The following PACS2 variants were observed in gnomAD, a reference collection of about 807,000 sequenced individuals.
PACS2 encodes PACS1-like protein.
In PACS2, 36 loss-of-function variants were observed where a neutral mutation model predicts 113.0. That is an observed-to-expected ratio of 0.32 (90% CI 0.24 to 0.42). The LOEUF (loss-of-function observed/expected upper bound fraction) is 0.42, where lower values mean the gene tolerates loss of function less well. PACS2 is among the 10% of genes least tolerant of loss of function. The probability of loss-of-function intolerance (pLI) is 1.00; values close to 1 mark genes in which losing one functional copy is unlikely to be tolerated. For synonymous variants in PACS2, 589 were observed against 536.1 expected (o/e 1.10, Z -1.36); for missense variants, 1,015 against 1,239.5 (o/e 0.82, Z 2.72).
At chr14:105,362,774 C>G (rs587765098) in intron 4 of PACS2, among the ~76,000 whole-genome samples, 2 of 152,072 alleles carry the variant, frequency 1.3e-5, no homozygotes, top group Admixed American at 6.5e-5. Context: ...TCGCTTGAAC[C>G]TGGGAGGCAG....
chr14:105,367,395 G>A lies in PACS2; in HGVS notation c.586+20G>A, dbSNP rs376516622. ...CCACGGGTGAGTGTGGTGCCAGCCCGCTCCTGCCCCTGCTGTGGGGAGGCC... is the reference window on the plus strand; with the variant it reads ...CCACGGGTGAGTGTGGTGCCAGCCCACTCCTGCCCCTGCTGTGGGGAGGCC... On this transcript the variant is annotated intron_variant, in intron 5 of 24. Coordinates refer to ENST00000447393, the MANE Select transcript of PACS2 (RefSeq NM_001100913.3). 2.7e-5 allele frequency: 44 copies of A among 1,607,458 alleles called. 1 individual carries two copies. Among genetic ancestry groups the A allele is most frequent in the South Asian group, 7.7e-5 (7 of 91,006 alleles).
chr14:105,348,659 C>T lies in PACS2; in HGVS notation c.207+79C>T, dbSNP rs587671723. 4.9e-5 allele frequency: 52 copies of T among 1,068,026 alleles called. No homozygotes were observed. The highest frequency in any genetic ancestry group is 2.8e-4 in the East Asian group (12 of 42,256). 66.2% of individuals were successfully genotyped at this position (1,068,026 alleles called of 1,614,324 possible). A position where few individuals can be genotyped will look rare whatever the true frequency, so the allele number is the denominator to read the frequency against. ...TGCCTGGGAGACGAGTCAGGCGGTG[C>T]GCTACTGTGGGGCCTTGTGCCAAAA... On this transcript the variant is annotated intron_variant, in intron 2 of 24. Transcript: ENST00000447393. The surrounding 1 kb of genome is among the most constrained non-coding windows in gnomAD (Gnocchi z 6.4).
In PACS2 at chr14:105,397,622, C is replaced by T. The variant is rs1175692049; in HGVS notation, c.*2950C>T. Reference sequence around the variant, plus strand: ...ATGTTGGTCCCCTTGGCCACTGTCTCTGGGCATGCAAGCCAGTGTCCTGGT... The same window carrying T: ...ATGTTGGTCCCCTTGGCCACTGTCTTTGGGCATGCAAGCCAGTGTCCTGGT... On this transcript the variant is annotated 3_prime_UTR_variant, in exon 25 of 25. Coordinates refer to ENST00000447393, the MANE Select transcript of PACS2 (RefSeq NM_001100913.3). 2 of 152,532 alleles carry T rather than the reference C, an allele frequency of 1.3e-5. No individual in the cohort carries two copies. The highest frequency in any genetic ancestry group is 2.9e-5 in the Non-Finnish European group (2 of 68,260). 9.4% of individuals were successfully genotyped at this position (152,532 alleles called of 1,614,324 possible). A position where few individuals can be genotyped will look rare whatever the true frequency, so the allele number is the denominator to read the frequency against.
In PACS2 at chr14:105,394,969, G is replaced by T. The variant is rs1555416204; in HGVS notation, c.*297G>T. ...TCAGGAGCCACCCAGAGCCTCACAG[G>T]CTGAGTTCTTGCCTCTGTGTCCTGT... On this transcript the variant is annotated 3_prime_UTR_variant, in exon 25 of 25. Coordinates refer to ENST00000447393, the MANE Select transcript of PACS2 (RefSeq NM_001100913.3). 2 of 367,492 alleles carry T rather than the reference G, an allele frequency of 5.4e-6. No homozygotes were observed. The highest frequency in any genetic ancestry group is 1.0e-5 in the Non-Finnish European group (2 of 192,914). The allele number at this position is 367,492 out of a possible 1,614,324, so 22.8% of individuals were successfully genotyped here.
In PACS2 at chr14:105,393,214, C is replaced by T; in HGVS notation, c.2483-8C>T. 1 of 1,604,948 alleles carries T rather than the reference C, an allele frequency of 6.2e-7. No homozygotes were observed. ...AAGATGACAGCAGGGCCTCTTTTCT[C>T]CTCCCAGTGATGTTTCTGCCCAAGA... On this transcript the variant is annotated splice_polypyrimidine_tract_variant and splice_region_variant and intron_variant, in intron 23 of 24. Transcript: ENST00000447393.
intron 1 of PACS2, chr14:105,300,988 A>C (rs1037588203): frequency 1.3e-5 from 2 of 153,018 alleles, no homozygotes; most frequent in South Asian, 2.1e-4. Context: ...CGGTGAGCGC[A>C]GCCGAGGACT....
At chr14:105,327,684 C>CTA (rs2059170261) in intron 1 of PACS2, among the ~76,000 whole-genome samples, 1 of 152,230 alleles carries the variant, frequency 6.6e-6, no homozygotes, top group Non-Finnish European at 1.5e-5. Context: ...CTCTGGTGGG[C>CTA]TATCGAAGGT....
intron 1 of PACS2, among the ~76,000 whole-genome samples, chr14:105,316,512 C>T (rs1442135837): frequency 6.6e-6 from 1 of 152,260 alleles, no homozygotes; most frequent in Non-Finnish European, 1.5e-5. Context: ...TCCAGCACTG[C>T]AGCACATAGC....
intron 8 of PACS2, chr14:105,372,719 G>C (rs184853233): frequency 6.6e-6 from 1 of 152,290 alleles, no homozygotes; most frequent in Non-Finnish European, 1.5e-5. Flanking sequence ...GGCTAACATG[G>C]TGAAACCCCA....
At position 105,357,917 on chromosome 14, in the gene PACS2, G is replaced by A. The variant is rs1402157258; in HGVS notation, c.423+2740G>A. Among the ~76,000 whole-genome samples, 1 of 152,176 alleles carries A rather than the reference G, an allele frequency of 6.6e-6. No homozygotes were observed. The highest frequency in any genetic ancestry group is 1.9e-4 in the East Asian group (1 of 5,178). On this transcript the variant is annotated intron_variant, in intron 4 of 24. Coordinates refer to ENST00000447393, the MANE Select transcript of PACS2 (RefSeq NM_001100913.3). The surrounding 1 kb of genome is among the most constrained non-coding windows in gnomAD (Gnocchi z 5.1). ...TTGAGGGCACAGGGTGGGGTGAGGC[G>A]GGCTGTTGGGCGGACTCGAGGCCAG... is the stretch of plus-strand genomic sequence containing the variant.
intron 21 of PACS2, 134 bp downstream of exon 21, chr14:105,391,383 T>G (rs1555414776): frequency 1.4e-6 from 1 of 736,302 alleles, no homozygotes; most frequent in African/African-American, 1.7e-5. Flanking sequence ...GCTGTGGTGC[T>G]TCTGTCCTGC....
intron 1 of PACS2, among the ~76,000 whole-genome samples, chr14:105,339,699 TAAAA>T (rs199609177): frequency 7.5e-6 from 1 of 133,962 alleles, no homozygotes; most frequent in Non-Finnish European, 1.6e-5. Context: ...CTGTCTCTAT[TAAAA>T]AAAAAAAAAA....
At position 105,356,521 on chromosome 14, in the gene PACS2, G is replaced by A. The variant is rs1372941104; in HGVS notation, c.423+1344G>A. On this transcript the variant is annotated intron_variant, in intron 4 of 24. Transcript: ENST00000447393. This position sits in a 1 kb window ranked among gnomAD's most constrained non-coding sequence, Gnocchi z 4.0. Reference sequence around the variant, plus strand: ...CCATCATCCCAGCCTCCCTCCTGCAGGCTGAGCGATGGGTGAACAGGTAGC... The same window carrying A: ...CCATCATCCCAGCCTCCCTCCTGCAAGCTGAGCGATGGGTGAACAGGTAGC... 6.6e-6 allele frequency among the ~76,000 whole-genome samples: 1 copy of A among 152,174 alleles called. No homozygotes were observed. Among genetic ancestry groups the A allele is most frequent in the Non-Finnish European group, 1.5e-5 (1 of 68,010 alleles).
chr14:105,309,619 C>G (rs1305085084), upstream of PACS2, among the ~76,000 whole-genome samples: 1 of 152,222 alleles, frequency 6.6e-6, no homozygotes, highest in Non-Finnish European at 1.5e-5. The surrounding 1 kb of genome is among the most constrained non-coding windows in gnomAD (Gnocchi z 4.0). Flanking sequence ...TGCAGAGCTG[C>G]TCTGGGTCCT....
At position 105,384,939 on chromosome 14, in the gene PACS2, C is replaced by A; in HGVS notation, c.1952C>A (p.Ala651Asp). 2 of 1,599,906 alleles carry A rather than the reference C, an allele frequency of 1.3e-6. No individual in the cohort carries two copies. Among genetic ancestry groups the A allele is most frequent in the South Asian group, 2.3e-5 (2 of 88,756 alleles). The change falls in exon 18 of 25, where the codon GCC becomes GAC. Residue 651 changes from alanine to aspartate, a missense_variant. Physicochemically the swap from Ala to Asp is moderately radical, Grantham distance 126 (BLOSUM62 -2). This residue lies in a region of PACS2 where 859 missense variants were observed against 1,056.8 expected (regional missense o/e 0.81). Coordinates refer to ENST00000447393, the MANE Select transcript of PACS2 (RefSeq NM_001100913.3). ...ITQYIAGANC[A>D]HQLPIAEAML... ...CAGTACATCGCAGGGGCCAACTGTGCCCACCAGCTCCCCATCGCAGAGGCC... is the reference window on the plus strand; with the variant it reads ...CAGTACATCGCAGGGGCCAACTGTGACCACCAGCTCCCCATCGCAGAGGCC...
intron 24 of PACS2, among the ~76,000 whole-genome samples, chr14:105,393,937 C>T (rs1478668968): frequency 6.7e-6 from 1 of 150,084 alleles, no homozygotes; most frequent in Non-Finnish European, 1.5e-5. Flanking sequence ...AGCGCAGAGG[C>T]TGAGGCAGGA....
chr14:105,322,582 A>G (rs2058939816), intron 1 of PACS2, among the ~76,000 whole-genome samples: 1 of 152,222 alleles, frequency 6.6e-6, no homozygotes, highest in Non-Finnish European at 1.5e-5. Flanking sequence ...GTACATTTTA[A>G]TGTGCATAGT....
rs1004748786 is a variant in PACS2 at position 105,323,532 on chromosome 14, A to G, written c.119+8495A>G. 6.6e-5 allele frequency among the ~76,000 whole-genome samples: 10 copies of G among 152,156 alleles called. No homozygotes were observed. The highest frequency in any genetic ancestry group is 6.5e-4 in the Admixed American group (10 of 15,280). ...GTAGCTCCTTGGCGGACGTTCCTGT[A>G]ATGGAACCAGGATGTCATGCCAAGG... On this transcript the variant is annotated intron_variant, in intron 1 of 24. Coordinates refer to ENST00000447393, the MANE Select transcript of PACS2 (RefSeq NM_001100913.3). This position sits in a 1 kb window ranked among gnomAD's most constrained non-coding sequence, Gnocchi z 4.1.
intron 22 of PACS2, chr14:105,392,275 CT>C (rs1385640562): frequency 5.0e-5 from 20 of 399,044 alleles, no homozygotes; most frequent in South Asian, 8.0e-5. Flanking sequence ...CCCGACCCCC[CT>C]GCCTCTGTGT....
Sources: allele counts gnomAD v4.1 joint callset (sites outside exome capture counted in the v4.1 genomes callset), GRCh38; gene constraint gnomAD v4.1.1; regional missense constraint gnomAD v4.1.1; non-coding constraint Gnocchi (gnomAD v3.1); transcripts MANE v1.5; gene names NCBI Gene and HGNC (gene_info 2026-07-23, HGNC 2026-07-21).